The following PSD3 variants were observed in gnomAD, a reference collection of about 807,000 sequenced individuals.
PSD3 encodes the protein pleckstrin and Sec7 domain containing 3, also known as PH and SEC7 domain-containing protein 3.
A neutral mutation model predicts 105.5 loss-of-function variants in PSD3; 49 were observed. The ratio of observed to expected loss-of-function variants is 0.46; its 90% CI spans 0.37 to 0.59. The LOEUF is 0.59. PSD3 is among the 20% of genes least tolerant of loss of function. PSD3 has a pLI of 0.00. For synonymous variants in PSD3, 557 were observed against 457.8 expected (o/e 1.22, Z -2.77); for missense variants, 1,561 against 1,263.8 (o/e 1.24, Z -3.57).
chr8:18,605,208 C>T (rs1804730482), intron 11 of PSD3, among the ~76,000 whole-genome samples: 1 of 152,180 alleles, frequency 6.6e-6, no homozygotes, highest in Admixed American at 6.5e-5. Context: ...GCTGCAGGGG[C>T]TGAACCCTGC....
chr8:18,576,359 CT>C (rs1802463398), intron 12 of PSD3, among the ~76,000 whole-genome samples: 1 of 152,042 alleles, frequency 6.6e-6, no homozygotes, highest in African/African-American at 2.4e-5. Context: ...TGCAACAAGT[CT>C]TACTTTATTA....
At chr8:19,048,860 G>T (rs1828418312) in intron 1 of PSD3, among the ~76,000 whole-genome samples, 1 of 152,206 alleles carries the variant, frequency 6.6e-6, no homozygotes, top group African/African-American at 2.4e-5. Context: ...AGCAACAGAA[G>T]TTGATTTTCT....
chr8:18,909,903 C>A (rs919519461), intron 2 of PSD3, among the ~76,000 whole-genome samples: 3 of 152,104 alleles, frequency 2.0e-5, no homozygotes, highest in African/African-American at 7.2e-5. Flanking sequence ...TGTAATTTCC[C>A]TCCGCTGGGA....
At chr8:18,712,367 G>A (rs1371121924) in intron 9 of PSD3, among the ~76,000 whole-genome samples, 2 of 148,776 alleles carry the variant, frequency 1.3e-5, no homozygotes, top group Middle Eastern at 3.2e-3. Context: ...AAAATTAATA[G>A]ATGAACCACT....
intron 2 of PSD3, among the ~76,000 whole-genome samples, chr8:18,912,386 AG>A (rs927628727): frequency 1.3e-5 from 2 of 152,198 alleles, no homozygotes; most frequent in African/African-American, 4.8e-5. Flanking sequence ...TCAGTCCACC[AG>A]GGGGCAGTGT....
At chr8:18,690,152 C>A (rs1389194959) in intron 9 of PSD3, among the ~76,000 whole-genome samples, 1 of 152,128 alleles carries the variant, frequency 6.6e-6, no homozygotes, top group Non-Finnish European at 1.5e-5. Context: ...GCCAGCTACT[C>A]ATAAGAACTA....
chr8:18,534,334 T>C lies in PSD3; in HGVS notation c.*1409A>G, dbSNP rs908959368. 3.9e-5 allele frequency: 6 copies of C among 152,586 alleles called. No individual in the cohort carries two copies. The highest frequency in any genetic ancestry group is 1.4e-4 in the African/African-American group (6 of 41,432). 9.5% of individuals were successfully genotyped at this position (152,586 alleles called of 1,614,324 possible). ...TTTCAAGGTTAGGAAATCACAAAGCTCTAGGTCTCAGTGGGCTAAACTTTC... is the reference window on the plus strand; with the variant it reads ...TTTCAAGGTTAGGAAATCACAAAGCCCTAGGTCTCAGTGGGCTAAACTTTC... On this transcript the variant is annotated 3_prime_UTR_variant, in exon 16 of 16. Coordinates refer to ENST00000327040, the MANE Select transcript of PSD3 (RefSeq NM_015310.4).
chr8:18,992,309 TA>T (rs11346186), intron 1 of PSD3, among the ~76,000 whole-genome samples: 65,186 of 133,070 alleles, frequency 0.49, 14,605 homozygotes, highest in Non-Finnish European at 0.58. Context: ...TAGTGATACT[TA>T]AAAAAAAAAA....
intron 9 of PSD3, among the ~76,000 whole-genome samples, chr8:18,752,504 ATATATAATATATGTAAT>A (rs1563224919): frequency 1.3e-5 from 1 of 78,318 alleles, no homozygotes; most frequent in African/African-American, 5.7e-5. Context: ...TATATATAAT[ATATATAATATATGTAAT>A]ATATATAATT....
At chr8:18,751,941 G>C (rs1340642746) in intron 9 of PSD3, among the ~76,000 whole-genome samples, 1 of 148,140 alleles carries the variant, frequency 6.8e-6, no homozygotes, top group Admixed American at 6.7e-5. Context: ...TTGGGAGGCC[G>C]AGGTGGGTGG....
intron 9 of PSD3, among the ~76,000 whole-genome samples, chr8:18,725,625 G>A (rs1014869791): frequency 6.6e-6 from 1 of 151,976 alleles, no homozygotes; most frequent in Non-Finnish European, 1.5e-5. Context: ...GGACAGCCAG[G>A]GACAGGAAGA....
intron 6 of PSD3, chr8:18,803,204 T>A (rs2129447532): frequency 8.9e-6 from 2 of 223,664 alleles, no homozygotes; most frequent in South Asian, 9.0e-5. Context: ...GGAGAACTGC[T>A]TGAACCTGGG....
chr8:18,751,257 A>T (rs1248651542), intron 9 of PSD3, among the ~76,000 whole-genome samples: 1 of 152,338 alleles, frequency 6.6e-6, no homozygotes, highest in East Asian at 1.9e-4. Context: ...TGGGGGACCC[A>T]GTACACCCTC....
At chr8:18,926,840 A>G (rs990561914) in intron 2 of PSD3, among the ~76,000 whole-genome samples, 5 of 152,120 alleles carry the variant, frequency 3.3e-5, no homozygotes, top group African/African-American at 1.2e-4. Flanking sequence ...CAGATCCTAC[A>G]GGTTGAGGGC....
chr8:18,682,236 A>T (rs559968068), intron 9 of PSD3, among the ~76,000 whole-genome samples: 73 of 152,312 alleles, frequency 4.8e-4, no homozygotes, highest in African/African-American at 1.7e-3. Context: ...AAGGATGATG[A>T]GCTCTTAATT....
At chr8:18,698,889 T>C (rs1445731508) in intron 9 of PSD3, among the ~76,000 whole-genome samples, 1 of 152,204 alleles carries the variant, frequency 6.6e-6, no homozygotes, top group Admixed American at 6.5e-5. Context: ...ACTAGCTTTT[T>C]CTAGAAAATA....
intron 15 of PSD3, among the ~76,000 whole-genome samples, chr8:18,550,452 T>C (rs1258224832): frequency 1.3e-5 from 2 of 152,236 alleles, no homozygotes; most frequent in East Asian, 1.9e-4. Flanking sequence ...TGACTCATAA[T>C]TGTAATACAG....
chr8:18,985,593 C>T (rs1264834126), intron 1 of PSD3, among the ~76,000 whole-genome samples: 3 of 152,132 alleles, frequency 2.0e-5, no homozygotes, highest in African/African-American at 7.2e-5. Context: ...CATTAGTTTA[C>T]TTGTCTTTTG....
At chr8:18,867,390 C>G (rs529183880) in intron 4 of PSD3, among the ~76,000 whole-genome samples, 3 of 152,196 alleles carry the variant, frequency 2.0e-5, no homozygotes, top group African/African-American at 7.2e-5. Flanking sequence ...ATCATCGGAG[C>G]TGATAACCTC....
Sources: allele counts gnomAD v4.1 joint callset (sites outside exome capture counted in the v4.1 genomes callset), GRCh38; gene constraint gnomAD v4.1.1; transcripts MANE v1.5; gene names NCBI Gene and HGNC (gene_info 2026-07-23, HGNC 2026-07-21).